The following SNX2 variants were observed in gnomAD, a reference collection of about 807,000 sequenced individuals.
SNX2 encodes the protein sorting nexin 2.
In SNX2, 25 loss-of-function variants were observed where a neutral mutation model predicts 69.9. The observed-to-expected ratio is 0.36, with a 90% CI of 0.26 to 0.50. The LOEUF is 0.50. Ranked by LOEUF, SNX2 falls within the 20% of genes least tolerant of loss-of-function variation. SNX2 has a pLI of 0.97. For missense variants in SNX2, 551 were observed against 613.3 expected, an observed-to-expected ratio of 0.90 and a Z score of 1.07; for synonymous variants, 229 against 200.4, an observed-to-expected ratio of 1.14 and a Z score of -1.20.
At chr5:122,820,905 C>T (rs1754009750) in intron 11 of SNX2, among the ~76,000 whole-genome samples, 1 of 152,096 alleles carries the variant, frequency 6.6e-6, no homozygotes. Flanking sequence ...TTATTTTCCA[C>T]CAAATATCTA....
chr5:122,797,521 A>G (rs1454838008), intron 2 of SNX2, among the ~76,000 whole-genome samples: 1 of 152,228 alleles, frequency 6.6e-6, no homozygotes, highest in Non-Finnish European at 1.5e-5. Flanking sequence ...TTTATAATAC[A>G]TTTTAACAGG....
At chr5:122,801,819 A>G in intron 3 of SNX2, 50 bp from the exon 4 acceptor site, 2 of 1,150,114 alleles carry the variant, frequency 1.7e-6, no homozygotes, top group Non-Finnish European at 2.5e-6. Context: ...TGTCATGACA[A>G]TAATTTAAAT....
At chr5:122,795,204 G>T in intron 1 of SNX2, 62 bp from the exon 2 acceptor site, 1 of 1,026,942 alleles carries the variant, frequency 9.7e-7, no homozygotes, top group Non-Finnish European at 1.5e-6. Context: ...GTAGTACATG[G>T]TGACAGAATT....
chr5:122,790,652 GA>G (rs940192713), intron 1 of SNX2, among the ~76,000 whole-genome samples: 2 of 151,942 alleles, frequency 1.3e-5, no homozygotes, highest in East Asian at 3.9e-4. Flanking sequence ...TGGTTGGGCA[GA>G]AAAAAAATGG....
At chr5:122,820,871 C>T (rs1213458461) in intron 11 of SNX2, among the ~76,000 whole-genome samples, 2 of 152,144 alleles carry the variant, frequency 1.3e-5, no homozygotes, top group African/African-American at 4.8e-5. Flanking sequence ...AATCCAGAGG[C>T]TTCTAAATTC....
At chr5:122,817,443 G>T in intron 10 of SNX2, 70 bp downstream of exon 10, 1 of 973,144 alleles carries the variant, frequency 1.0e-6, no homozygotes, top group Non-Finnish European at 1.5e-6. Context: ...TAAATTTTAT[G>T]AAAATAAATA....
intron 13 of SNX2, 54 bp downstream of exon 13, chr5:122,827,513 A>C: frequency 2.5e-6 from 4 of 1,604,442 alleles, no homozygotes; most frequent in Non-Finnish European, 3.4e-6. Context: ...TTTTGCTGCA[A>C]TTTTGTGGTA....
chr5:122,797,445 T>G (rs929794735), intron 2 of SNX2, among the ~76,000 whole-genome samples: 1 of 151,408 alleles, frequency 6.6e-6, no homozygotes, highest in African/African-American at 2.4e-5. Flanking sequence ...AATGACATCA[T>G]TAAGTGACTG....
chr5:122,822,422 T>G (rs796619543), intron 11 of SNX2, among the ~76,000 whole-genome samples: 8 of 152,338 alleles, frequency 5.3e-5, no homozygotes, highest in African/African-American at 1.9e-4. Flanking sequence ...TCATGTCCTT[T>G]GCCCAGTTTT....
chr5:122,808,644 C>T (rs549482088), intron 7 of SNX2: 2 of 192,758 alleles, frequency 1.0e-5, no homozygotes, highest in African/African-American at 4.7e-5. Flanking sequence ...CATATAAAGA[C>T]ATGAGTTAGC....
At chr5:122,792,466 G>A (rs563581440) in intron 1 of SNX2, among the ~76,000 whole-genome samples, 2 of 152,024 alleles carry the variant, frequency 1.3e-5, no homozygotes, top group Non-Finnish European at 2.9e-5. Context: ...GTGTGGTGGC[G>A]GGTGCCTGTG....
chr5:122,833,584 CACATGTGGATG>C lies in SNX2; in HGVS notation c.*3939_*3949del, dbSNP rs1236702675. 6.6e-6 allele frequency: 1 copy of C among 152,178 alleles called. No homozygotes were observed. Among genetic ancestry groups the C allele is most frequent in the Non-Finnish European group, 1.5e-5 (1 of 68,034 alleles). 9.4% of individuals were successfully genotyped at this position (152,178 alleles called of 1,614,324 possible). A position where few individuals can be genotyped will look rare whatever the true frequency, so the allele number is the denominator to read the frequency against. On this transcript the variant is annotated 3_prime_UTR_variant, in exon 15 of 15. Transcript: ENST00000379516. The stretch of plus-strand genomic sequence containing the variant: ...GACCGGCTACAATTTGATCAGTTGT[CACATGTGGATG>C]ACTAGTGGCTATGATAATGGACAGC...
intron 11 of SNX2, 51 bp downstream of exon 11, chr5:122,819,074 A>G: frequency 7.0e-7 from 1 of 1,420,814 alleles, no homozygotes; most frequent in African/African-American, 1.4e-5. Flanking sequence ...TTTAAAAAGT[A>G]TTTTGTTTCC....
At chr5:122,778,113 G>A (rs1429244160) in intron 1 of SNX2, among the ~76,000 whole-genome samples, 2 of 152,160 alleles carry the variant, frequency 1.3e-5, no homozygotes, top group East Asian at 1.9e-4. Context: ...TTAACATAAT[G>A]TCCTCCAAGC....
Position 122,808,424 on chromosome 5 carries a change from T to C in SNX2, c.722+69T>C, listed in dbSNP as rs1753700051. Reference sequence around the variant, plus strand: ...TTAATATAAATGTAATTCCATTATATGGCAAAACTGTGTTTTAATGATTAA... The same window carrying C: ...TTAATATAAATGTAATTCCATTATACGGCAAAACTGTGTTTTAATGATTAA... On this transcript the variant is annotated intron_variant, in intron 7 of 14. Transcript: ENST00000379516. The C allele has an allele frequency of 1.3e-5, 15 of 1,136,378 alleles. No homozygotes were observed. In the East Asian group the frequency reaches 3.8e-4, roughly 29 times the overall value. The allele number at this position is 1,136,378 out of a possible 1,614,324, so 70.4% of individuals were successfully genotyped here.
intron 11 of SNX2, among the ~76,000 whole-genome samples, chr5:122,820,320 G>A (rs1412732804): frequency 6.6e-6 from 1 of 152,108 alleles, no homozygotes; most frequent in Non-Finnish European, 1.5e-5. Context: ...GGTGGATCAC[G>A]AGGTCAGGAG....
intron 7 of SNX2, 49 bp downstream of exon 7, chr5:122,808,404 A>T: frequency 7.7e-7 from 1 of 1,293,542 alleles, no homozygotes. Context: ...GTACCTTAAT[A>T]TAAATGTAAT....
chr5:122,826,264 T>TG, intron 12 of SNX2, 71 bp downstream of exon 12: 1 of 1,319,340 alleles, frequency 7.6e-7, no homozygotes, highest in South Asian at 1.6e-5. Context: ...TAATTTTTCA[T>TG]AATTTTTTGT....
intron 3 of SNX2, among the ~76,000 whole-genome samples, 194 bp downstream of exon 3, chr5:122,800,049 T>C (rs1229167371): frequency 2.0e-5 from 3 of 152,114 alleles, no homozygotes; most frequent in Non-Finnish European, 4.4e-5. Flanking sequence ...TCATTTACCT[T>C]GTTAAGTGAA....
Sources: allele counts gnomAD v4.1 joint callset (sites outside exome capture counted in the v4.1 genomes callset), GRCh38; gene constraint gnomAD v4.1.1; transcripts MANE v1.5; gene names NCBI Gene and HGNC (gene_info 2026-07-23, HGNC 2026-07-21).